Variants in NBEA observed in about 807,000 individuals in gnomAD.
NBEA encodes lysosomal-trafficking regulator 2.
A neutral mutation model predicts 343.4 loss-of-function variants in NBEA; 44 were observed. The observed-to-expected ratio is 0.13, with a 90% CI of 0.10 to 0.16. NBEA has a LOEUF of 0.16. Ranked by LOEUF, NBEA falls within the 10% of genes least tolerant of loss-of-function variation. The pLI is 1.00. For synonymous variants in NBEA, 1,175 were observed against 1,238.7 expected (o/e 0.95, Z 1.08); for missense variants, 2,555 against 3,631.3 (o/e 0.70, Z 7.62).
chr13:35,139,743 C>CTTTTTT (rs1566350012), intron 17 of NBEA, among the ~76,000 whole-genome samples: 1 of 55,142 alleles, frequency 1.8e-5, no homozygotes, highest in Non-Finnish European at 3.4e-5. Flanking sequence ...TGATGGATGG[C>CTTTTTT]GTTTTTTTTT....
chr13:35,344,165 T>C (rs1445372008), intron 36 of NBEA, among the ~76,000 whole-genome samples: 1 of 152,128 alleles, frequency 6.6e-6, no homozygotes, highest in African/African-American at 2.4e-5. Context: ...TGAAGAATTT[T>C]GAACACTTAA....
At chr13:34,947,749 C>T (rs976830741) in intron 1 of NBEA, among the ~76,000 whole-genome samples, 13 of 152,136 alleles carry the variant, frequency 8.5e-5, no homozygotes, top group African/African-American at 3.1e-4. Context: ...CTGTATTAGG[C>T]AGTAATGATT....
At chr13:35,447,629 G>A (rs2046116470) in intron 39 of NBEA, among the ~76,000 whole-genome samples, 1 of 151,958 alleles carries the variant, frequency 6.6e-6, no homozygotes, top group Non-Finnish European at 1.5e-5. Flanking sequence ...TTTTTCTCCT[G>A]AAACTTTTAA....
chr13:35,238,397 C>G (rs1164274027), intron 34 of NBEA, among the ~76,000 whole-genome samples: 1 of 152,202 alleles, frequency 6.6e-6, no homozygotes, highest in Non-Finnish European at 1.5e-5. Context: ...AGCCTCCTGT[C>G]TTTTATTCTC....
chr13:35,273,429 C>T (rs1050327071), intron 34 of NBEA, among the ~76,000 whole-genome samples: 1 of 151,870 alleles, frequency 6.6e-6, no homozygotes, highest in Non-Finnish European at 1.5e-5. Flanking sequence ...AAATCGACAC[C>T]CTAACATCAC....
Position 35,587,097 on chromosome 13 carries a change from G to A in NBEA, c.7176+3059G>A, listed in dbSNP as rs574784593. On this transcript the variant is annotated intron_variant, in intron 46 of 58. Coordinates refer to ENST00000379939, the MANE Select transcript of NBEA (RefSeq NM_001385012.1). ...CAAAACTACATTCTCAATCATTACTGCCGCCAGTGGAAAATTACCTATTAG... is the reference window on the plus strand; with the variant it reads ...CAAAACTACATTCTCAATCATTACTACCGCCAGTGGAAAATTACCTATTAG... Among the ~76,000 whole-genome samples, 20 of 152,156 alleles carry A rather than the reference G, an allele frequency of 1.3e-4. No homozygotes were observed. In the South Asian group the frequency reaches 4.1e-3, roughly 32 times the overall value.
At chr13:35,413,676 A>G (rs117889651) in intron 38 of NBEA, among the ~76,000 whole-genome samples, 3,128 of 152,272 alleles carry the variant, frequency 0.021, 48 homozygotes, top group Middle Eastern at 0.034. Context: ...CAATAGTAAT[A>G]TTAATTATCA....
chr13:35,525,120 G>A (rs1391334468), intron 41 of NBEA, among the ~76,000 whole-genome samples: 1 of 152,138 alleles, frequency 6.6e-6, no homozygotes, highest in Non-Finnish European at 1.5e-5. Context: ...TCTTGTTACT[G>A]TCAAAGGATA....
chr13:35,609,791 A>G (rs1267705565), intron 48 of NBEA, among the ~76,000 whole-genome samples: 1 of 152,164 alleles, frequency 6.6e-6, no homozygotes, highest in African/African-American at 2.4e-5. Flanking sequence ...CTAGTACTTA[A>G]TTATAATACA....
At chr13:35,352,097 C>A in intron 37 of NBEA, 60 bp from the exon 38 acceptor site, 2 of 1,037,746 alleles carry the variant, frequency 1.9e-6, no homozygotes, top group Admixed American at 3.9e-5. Context: ...AAATGTATAT[C>A]ATCCTTACTT....
chr13:35,255,481 G>A (rs1425939810), intron 34 of NBEA, among the ~76,000 whole-genome samples: 6 of 152,226 alleles, frequency 3.9e-5, no homozygotes. Context: ...GCAGGTTCCG[G>A]CCACTGTGCA....
intron 18 of NBEA, among the ~76,000 whole-genome samples, chr13:35,142,896 T>G (rs1294120318): frequency 1.3e-5 from 2 of 152,174 alleles, no homozygotes; most frequent in African/African-American, 2.4e-5. Flanking sequence ...TGGGACAGTT[T>G]TGGGTTCAGT....
At position 35,171,326 on chromosome 13, in the gene NBEA, A is replaced by G. The variant is rs371911663; in HGVS notation, c.4297A>G (p.Thr1433Ala). The G allele has an allele frequency of 2.5e-6, 4 of 1,612,414 alleles. No individual in the cohort carries two copies. The South Asian group carries it at 3.3e-5, about 13-fold the overall frequency. ...AGGCATGTCAGCTGAGACAGCAGTA[A>G]CTTTCCTCAGCCGGCTGATGGCTAT... is the stretch of plus-strand genomic sequence containing the variant. ...TQGMSAETAV[T>A]FLSRLMAMVD... Residue 1433 changes from threonine (T) to alanine (A), a missense_variant, in exon 26 of 59, where the codon ACT (threonine) becomes GCT (alanine). Physicochemically the swap from Thr to Ala is moderately conservative, Grantham distance 58. Transcript: ENST00000379939.
At position 35,042,322 on chromosome 13, in the gene NBEA, A is replaced by G. The variant is rs532415588; in HGVS notation, c.526+1158A>G. ...GATGAAAAATGAGATTCAGACATCTATTTCTTAAAATACCTTTTTAATATT... is the reference window on the plus strand; with the variant it reads ...GATGAAAAATGAGATTCAGACATCTGTTTCTTAAAATACCTTTTTAATATT... On this transcript the variant is annotated intron_variant, in intron 2 of 58. Transcript: ENST00000379939. 6.3e-4 allele frequency among the ~76,000 whole-genome samples: 95 copies of G among 151,992 alleles called. No homozygotes were observed. The South Asian group carries it at 0.018, about 28-fold the overall frequency.
At chr13:35,194,843 T>A (rs1327199385) in intron 30 of NBEA, among the ~76,000 whole-genome samples, 1 of 152,138 alleles carries the variant, frequency 6.6e-6, no homozygotes, top group Non-Finnish European at 1.5e-5. Context: ...TAATATTATA[T>A]GTGTATTTCA....
At chr13:35,661,497 A>G (rs2085087881) in intron 55 of NBEA, among the ~76,000 whole-genome samples, 1 of 152,174 alleles carries the variant, frequency 6.6e-6, no homozygotes, top group Non-Finnish European at 1.5e-5. Context: ...AAACCACATC[A>G]TGGGTGAATT....
intron 1 of NBEA, among the ~76,000 whole-genome samples, chr13:34,947,975 G>C (rs888690517): frequency 2.0e-5 from 3 of 152,070 alleles, no homozygotes; most frequent in African/African-American, 4.8e-5. Context: ...GTTCGAATCT[G>C]GTAAAAACTT....
intron 34 of NBEA, among the ~76,000 whole-genome samples, chr13:35,286,142 A>G (rs973201961): frequency 1.3e-5 from 2 of 152,030 alleles, no homozygotes; most frequent in Non-Finnish European, 2.9e-5. Context: ...CTCTATCATG[A>G]TTATTTGCTT....
At chr13:35,642,516 A>G (rs2084011860) in intron 49 of NBEA, among the ~76,000 whole-genome samples, 1 of 152,184 alleles carries the variant, frequency 6.6e-6, no homozygotes, top group Non-Finnish European at 1.5e-5. Flanking sequence ...AGATACACAA[A>G]GCAACTGATA....
Sources: gnomAD v4.1 joint callset for allele counts (sites outside exome capture counted in the v4.1 genomes callset) on GRCh38, gnomAD v4.1.1 for gene constraint, MANE v1.5 for transcripts, NCBI Gene and HGNC (gene_info 2026-07-23, HGNC 2026-07-21) for gene names.